The following ZNF227 variants were observed in gnomAD, a reference collection of about 807,000 sequenced individuals.
The protein encoded by ZNF227 is zinc finger protein 227.
Under a neutral mutation model 13.2 loss-of-function variants are expected in ZNF227, and 12 were observed. The ratio of observed to expected loss-of-function variants is 0.91; its 90% CI spans 0.58 to 1.47. ZNF227 has a LOEUF of 1.47. ZNF227 is among the 40% of genes most tolerant of loss of function. The pLI, the probability that ZNF227 is intolerant of heterozygous loss-of-function variation, is 0.00. For synonymous variants in ZNF227, 338 were observed against 326.0 expected, an observed-to-expected ratio of 1.04 and a Z score of -0.40; for missense variants, 885 against 967.5, an observed-to-expected ratio of 0.91 and a Z score of 1.13.
At chr19:44,228,769 C>A in intron 4 of ZNF227, 197 bp downstream of exon 4, 2 of 605,272 alleles carry the variant, frequency 3.3e-6, no homozygotes, top group South Asian at 4.2e-5. Context: ...ATTGCTGGTT[C>A]TCAACCATGG....
chr19:44,232,022 C>T (rs1973896164), intron 5 of ZNF227, among the ~76,000 whole-genome samples: 1 of 152,216 alleles, frequency 6.6e-6, no homozygotes, highest in Admixed American at 6.5e-5. Flanking sequence ...CCCATTTCCC[C>T]TTCCCTCTAA....
At chr19:44,208,562 T>G (rs890992681), upstream of ZNF227, among the ~76,000 whole-genome samples, 6 of 152,162 alleles carry the variant, frequency 3.9e-5, no homozygotes, top group Non-Finnish European at 8.8e-5. Context: ...ATCAAAAGGT[T>G]AGAGAAAGGA....
intron 5 of ZNF227, among the ~76,000 whole-genome samples, chr19:44,232,505 C>A (rs1599841518): frequency 6.6e-6 from 1 of 152,098 alleles, no homozygotes; most frequent in South Asian, 2.1e-4. Flanking sequence ...AAAAAAGATA[C>A]ATGTTGGAAG....
rs755909987 is a variant in ZNF227, at chr19:44,234,781, G to A, written c.351G>A (p.Trp117Ter). The change falls in exon 6 of 6, where the codon TGG becomes TGA. Residue 117 changes from tryptophan to a stop codon, truncating the protein, a stop_gained. Transcript: ENST00000313040. LOFTEE classifies it low-confidence loss of function (END_TRUNC). ...KYLSNQELSC[W>*]QIWKQVASEL... ...TTTCAAATCAAGAGCTGTCCTGCTG[G>A]CAAATCTGGAAACAGGTTGCAAGTG... is the stretch of plus-strand genomic sequence containing the variant. 6.8e-6 allele frequency: 11 copies of A among 1,613,472 alleles called. No homozygotes were observed. The South Asian group carries it at 1.2e-4, about 18-fold the overall frequency.
In ZNF227 at chr19:44,236,323, A is replaced by G. The variant is rs951464865; in HGVS notation, c.1893A>G (p.Pro631=). The G allele has an allele frequency of 2.5e-6, 4 of 1,613,728 alleles. No individual in the cohort carries two copies. The highest frequency in any genetic ancestry group is 3.4e-6 in the Non-Finnish European group (4 of 1,179,892). Residue 631 remains proline, a synonymous_variant, in exon 6 of 6, where the codon CCA becomes CCG. Coordinates refer to ENST00000313040, the MANE Select transcript of ZNF227 (RefSeq NM_182490.3). The part of the protein sequence containing the change: ...VHQRVHTGEK[P]YKCGVCGKGF... ...AGAGAGTCCATACTGGAGAGAAGCC[A>G]TACAAATGTGGTGTCTGTGGTAAGG...
At position 44,235,846 on chromosome 19, in the gene ZNF227, C is replaced by G. The variant is rs756174703; in HGVS notation, c.1416C>G (p.Gly472=). The change falls in exon 6 of 6, where the codon GGC becomes GGG. Residue 472 remains glycine (G), a synonymous_variant. Transcript: ENST00000313040. ...ACAAGTGTGAGGCGTGTGGGAAAGG[C>G]TTTACCCGTAATACAGATCTGCATA... ...KPYKCEACGK[G]FTRNTDLHIH... is the part of the protein sequence containing the mutation. The G allele has an allele frequency of 6.2e-7, 1 of 1,613,978 alleles. No individual in the cohort carries two copies. Among genetic ancestry groups the G allele is most frequent in the East Asian group, 2.2e-5 (1 of 44,862 alleles).
chr19:44,216,557 C>T (rs2122690635), intron 2 of ZNF227, among the ~76,000 whole-genome samples: 1 of 152,288 alleles, frequency 6.6e-6, no homozygotes, highest in South Asian at 2.1e-4. Context: ...GTGAAATTCT[C>T]AGCAATTGCA....
Position 44,236,977 on chromosome 19 carries a change from G to T in ZNF227, c.*147G>T. On this transcript the variant is annotated 3_prime_UTR_variant, in exon 6 of 6. Coordinates refer to ENST00000313040, the MANE Select transcript of ZNF227 (RefSeq NM_182490.3). ...ATCTTTCTAACAAATCCATCAAGATGATAACACAGAACCATGAACAGGAAT... is the reference window on the plus strand; with the variant it reads ...ATCTTTCTAACAAATCCATCAAGATTATAACACAGAACCATGAACAGGAAT... 1.5e-6 allele frequency: 1 copy of T among 646,454 alleles called. No homozygotes were observed. Among genetic ancestry groups the T allele is most frequent in the Non-Finnish European group, 2.6e-6 (1 of 386,508 alleles). The allele number at this position is 646,454 out of a possible 1,614,324, so 40.0% of individuals were successfully genotyped here.
At chr19:44,226,798 C>G (rs1568604591) in intron 3 of ZNF227, among the ~76,000 whole-genome samples, 1 of 152,174 alleles carries the variant, frequency 6.6e-6, no homozygotes, top group East Asian at 1.9e-4. Flanking sequence ...CGCCCACTGT[C>G]TGGCACTCCC....
At chr19:44,230,718 CCTTTCTCTCCTTCTTTG>C (rs1379284972) in intron 5 of ZNF227, among the ~76,000 whole-genome samples, 1 of 151,494 alleles carries the variant, frequency 6.6e-6, no homozygotes, top group Admixed American at 6.6e-5. Context: ...CCTTACCTTT[CCTTTCTCTCCTTCTTTG>C]CTTTCTCTTG....
chr19:44,221,050 C>G (rs1410062100), intron 3 of ZNF227, among the ~76,000 whole-genome samples: 1 of 151,694 alleles, frequency 6.6e-6, no homozygotes, highest in Non-Finnish European at 1.5e-5. Context: ...TTAATCCAGT[C>G]TATCATTGTT....
Position 44,235,433 on chromosome 19 carries a change from A to G in ZNF227, c.1003A>G (p.Ser335Gly), listed in dbSNP as rs772013400. The part of the protein sequence containing the change: ...RCDSCGKGFS[S>G]STGLIIHYRT... ...CGACAGTTGCGGCAAGGGATTCAGT[A>G]GCAGCACGGGTCTTATCATTCATTA... Residue 335 changes from serine to glycine, a missense_variant, in exon 6 of 6, where the codon AGC (serine) becomes GGC (glycine). Physicochemically the swap from Ser to Gly is moderately conservative, Grantham distance 56. Coordinates refer to ENST00000313040, the MANE Select transcript of ZNF227 (RefSeq NM_182490.3). The G allele has an allele frequency of 6.2e-7, 1 of 1,614,026 alleles. No homozygotes were observed. The highest frequency in any genetic ancestry group is 1.3e-5 in the African/African-American group (1 of 74,932).
At position 44,233,788 on chromosome 19, in the gene ZNF227, C is replaced by G. The variant is rs182309568; in HGVS notation, c.272-914C>G. The stretch of plus-strand genomic sequence containing the variant: ...GCATGCGCCAGTAATCCCCGCTACC[C>G]GGGAGGCTGAGGAGGAGAATCTCTT... On this transcript the variant is annotated intron_variant, in intron 5 of 5. Transcript: ENST00000313040. Among the ~76,000 whole-genome samples, 525 of 152,104 alleles carry G rather than the reference C, an allele frequency of 3.5e-3. 1 individual carries two copies. Among genetic ancestry groups the G allele is most frequent in the African/African-American group, 0.012 (509 of 41,500 alleles).
chr19:44,211,727 GCT>G (rs1219321233), upstream of ZNF227, among the ~76,000 whole-genome samples: 2 of 150,916 alleles, frequency 1.3e-5, no homozygotes, highest in Non-Finnish European at 2.9e-5. Flanking sequence ...TTTTTTGATT[GCT>G]CTTTCATTCT....
At chr19:44,230,470 C>T (rs992641015) in intron 5 of ZNF227, among the ~76,000 whole-genome samples, 2 of 152,096 alleles carry the variant, frequency 1.3e-5, no homozygotes, top group Non-Finnish European at 2.9e-5. Context: ...ATTCCTTTCC[C>T]TTTGCTTAGA....
intron 5 of ZNF227, 116 bp from the exon 6 acceptor site, chr19:44,234,586 C>A: frequency 1.0e-6 from 1 of 971,812 alleles, no homozygotes; most frequent in Non-Finnish European, 1.5e-6. Context: ...ACAAGGTCAC[C>A]TTTCGCCTGG....
chr19:44,225,500 G>A (rs142207820), intron 3 of ZNF227, among the ~76,000 whole-genome samples: 316 of 152,038 alleles, frequency 2.1e-3, no homozygotes, highest in African/African-American at 7.1e-3. Context: ...TTCCGTTCTC[G>A]CTTCATTTCA....
rs1002657420 is a variant in ZNF227, at chr19:44,237,104, T to C, written c.*274T>C. ...ATTGTGAATATATGCCTGAAGATAA[T>C]GTGTGGAAGGATATTTGCCATATGC... On this transcript the variant is annotated 3_prime_UTR_variant, in exon 6 of 6. Coordinates refer to ENST00000313040, the MANE Select transcript of ZNF227 (RefSeq NM_182490.3). 1 of 312,488 alleles carries C rather than the reference T, an allele frequency of 3.2e-6. No individual in the cohort carries two copies. Among genetic ancestry groups the C allele is most frequent in the Non-Finnish European group, 5.9e-6 (1 of 170,428 alleles). The allele number at this position is 312,488 out of a possible 1,614,324, so 19.4% of individuals were successfully genotyped here. A position where few individuals can be genotyped will look rare whatever the true frequency, so the allele number is the denominator to read the frequency against.
intron 3 of ZNF227, among the ~76,000 whole-genome samples, chr19:44,224,188 A>G (rs540505348): frequency 5.1e-4 from 77 of 152,284 alleles, no homozygotes; most frequent in African/African-American, 1.7e-3. Flanking sequence ...TTTACTTCCA[A>G]CTATGTGGTC....
Sources: allele counts gnomAD v4.1 joint callset (sites outside exome capture counted in the v4.1 genomes callset), GRCh38; gene constraint gnomAD v4.1.1; transcripts MANE v1.5; gene names NCBI Gene and HGNC (gene_info 2026-07-23, HGNC 2026-07-21).